Variants in CMKLR1 observed in about 807,000 individuals in gnomAD.
CMKLR1 encodes chemerin-like receptor 1.
CMKLR1 carries 6 observed loss-of-function variants against 8.2 expected under a neutral mutation model. The observed-to-expected ratio is 0.73, with a 90% CI of 0.40 to 1.44. CMKLR1 has a LOEUF of 1.44. Ranked by LOEUF, CMKLR1 falls within the 40% of genes most tolerant of loss-of-function variation. The pLI is 0.02. For missense variants in CMKLR1, 429 were observed against 478.0 expected, an observed-to-expected ratio of 0.90 and a Z score of 0.96; for synonymous variants, 178 against 181.2, an observed-to-expected ratio of 0.98 and a Z score of 0.14.
chr12:108,292,652 T>C lies in CMKLR1; in HGVS notation c.311A>G (p.His104Arg), dbSNP rs1891019520. ...IHITYAAMDYHWVFGTAMCKI... is the reference protein window; with the variant it reads ...IHITYAAMDYRWVFGTAMCKI... The stretch of plus-strand genomic sequence containing the variant: ...GCACATGGCTGTCCCGAAAACCCAG[T>C]GGTAGTCCATGGCGGCATAGGTGAT... The change falls in exon 4 of 4, where the codon CAC (histidine) becomes CGC (arginine). Residue 104 changes from histidine (H) to arginine (R), a missense_variant. Transcript: ENST00000550402. The C allele has an allele frequency of 6.2e-7, 1 of 1,614,106 alleles. No individual in the cohort carries two copies. The highest frequency in any genetic ancestry group is 8.5e-7 in the Non-Finnish European group (1 of 1,180,024).
intron 2 of CMKLR1, among the ~76,000 whole-genome samples, chr12:108,294,513 G>A (rs1891078560): frequency 6.6e-6 from 1 of 152,148 alleles, no homozygotes; most frequent in African/African-American, 2.4e-5. Context: ...GTGTGGCTTT[G>A]GGCAAGTGAT....
chr12:108,322,081 A>G (rs545629458), intron 2 of CMKLR1, among the ~76,000 whole-genome samples: 13 of 152,322 alleles, frequency 8.5e-5, no homozygotes, highest in Non-Finnish European at 1.6e-4. Flanking sequence ...CTTTTGGGTA[A>G]TCAGGTATAT....
At chr12:108,333,430 G>T (rs1306472459) in intron 1 of CMKLR1, among the ~76,000 whole-genome samples, 2 of 152,112 alleles carry the variant, frequency 1.3e-5, no homozygotes, top group Non-Finnish European at 2.9e-5. Context: ...TAGCCCAAAT[G>T]ACATTTTCCA....
intron 2 of CMKLR1, among the ~76,000 whole-genome samples, chr12:108,323,413 C>T (rs887585280): frequency 5.3e-5 from 8 of 151,828 alleles, no homozygotes; most frequent in South Asian, 2.1e-4. Flanking sequence ...ACACAGGCTC[C>T]GGTGGGCTGG....
At chr12:108,312,847 C>G (rs1034751113) in intron 2 of CMKLR1, among the ~76,000 whole-genome samples, 1 of 152,128 alleles carries the variant, frequency 6.6e-6, no homozygotes, top group African/African-American at 2.4e-5. Context: ...ACTTGGGGTA[C>G]TTAGAGACTC....
chr12:108,292,170 TGGTCAC>T lies in CMKLR1; in HGVS notation c.787_792del (p.Val263_Thr264del), dbSNP rs1336737424. On this transcript the variant is annotated inframe_deletion, in exon 4 of 4. Coordinates refer to ENST00000550402, the MANE Select transcript of CMKLR1 (RefSeq NM_001142343.2). Reference sequence around the variant, plus strand: ...CAGCAGAGGAAGAAGGTAATGATGATGGTCACAATAATCTTGAAGGGCTTCTTGGTC... The same window carrying T: ...CAGCAGAGGAAGAAGGTAATGATGATAATAATCTTGAAGGGCTTCTTGGTC... The T allele has an allele frequency of 6.2e-7, 1 of 1,614,164 alleles. No individual in the cohort carries two copies. The highest frequency in any genetic ancestry group is 8.5e-7 in the Non-Finnish European group (1 of 1,180,020).
intron 1 of CMKLR1, among the ~76,000 whole-genome samples, chr12:108,336,808 G>A (rs1295323154): frequency 6.6e-6 from 1 of 152,248 alleles, no homozygotes; most frequent in Non-Finnish European, 1.5e-5. Flanking sequence ...GACAGGCACA[G>A]TGGAATAGAA....
intron 2 of CMKLR1, among the ~76,000 whole-genome samples, chr12:108,314,722 C>A (rs1891671641): frequency 6.6e-6 from 1 of 151,028 alleles, no homozygotes; most frequent in African/African-American, 2.5e-5. Flanking sequence ...AAGTGGGACA[C>A]TACTCTTTCT....
At chr12:108,337,798 G>A (rs1892264069) in intron 1 of CMKLR1, among the ~76,000 whole-genome samples, 1 of 152,178 alleles carries the variant, frequency 6.6e-6, no homozygotes, top group Non-Finnish European at 1.5e-5. Flanking sequence ...ACTGGTTTAG[G>A]TTAAAGAAAA....
At chr12:108,310,460 T>C (rs7302400) in intron 2 of CMKLR1, among the ~76,000 whole-genome samples, 1 of 151,894 alleles carries the variant, frequency 6.6e-6, no homozygotes, top group African/African-American at 2.4e-5. Flanking sequence ...GTTCCAGGCC[T>C]ACCCAGAAAG....
intron 2 of CMKLR1, among the ~76,000 whole-genome samples, chr12:108,319,879 T>A (rs547650555): frequency 1.6e-4 from 24 of 152,332 alleles, no homozygotes; most frequent in African/African-American, 5.8e-4. Flanking sequence ...TTTCTCATTC[T>A]TACATTCAAT....
At chr12:108,327,049 A>C (rs1030458056) in intron 2 of CMKLR1, among the ~76,000 whole-genome samples, 1 of 152,184 alleles carries the variant, frequency 6.6e-6, no homozygotes, top group African/African-American at 2.4e-5. Flanking sequence ...GCTGGTAATC[A>C]AGGGACTCAG....
At chr12:108,312,344 A>G (rs1430783872) in intron 2 of CMKLR1, among the ~76,000 whole-genome samples, 1 of 152,218 alleles carries the variant, frequency 6.6e-6, no homozygotes, top group Non-Finnish European at 1.5e-5. Context: ...CAAGACTGTG[A>G]AACGTGTCCA....
chr12:108,299,303 C>A (rs775899588), intron 2 of CMKLR1, among the ~76,000 whole-genome samples: 1 of 152,216 alleles, frequency 6.6e-6, no homozygotes, highest in Non-Finnish European at 1.5e-5. Context: ...ACAACTGAAA[C>A]TTCTCTTGAC....
intron 2 of CMKLR1, among the ~76,000 whole-genome samples, chr12:108,321,544 T>A (rs1468053527): frequency 6.6e-5 from 10 of 152,130 alleles, no homozygotes; most frequent in Non-Finnish European, 1.5e-4. Flanking sequence ...TCTGCGTCAC[T>A]CACCACCCCC....
chr12:108,317,316 C>T (rs578030578), intron 2 of CMKLR1, among the ~76,000 whole-genome samples: 35 of 152,304 alleles, frequency 2.3e-4, no homozygotes, highest in African/African-American at 8.4e-4. Context: ...GGAGAGCCCA[C>T]AAGAACGCAT....
intron 2 of CMKLR1, among the ~76,000 whole-genome samples, chr12:108,299,063 G>A (rs1006441579): frequency 6.6e-6 from 1 of 152,220 alleles, no homozygotes; most frequent in African/African-American, 2.4e-5. Flanking sequence ...TACCCACCCC[G>A]CATGCTGTGC....
intron 2 of CMKLR1, among the ~76,000 whole-genome samples, chr12:108,296,847 G>A (rs1891150512): frequency 6.6e-6 from 1 of 152,008 alleles, no homozygotes; most frequent in African/African-American, 2.4e-5. Context: ...GAGGGACACA[G>A]GTAAGGATTT....
intron 2 of CMKLR1, among the ~76,000 whole-genome samples, chr12:108,325,595 C>A (rs369857817): frequency 1.3e-5 from 2 of 152,292 alleles, no homozygotes; most frequent in East Asian, 1.9e-4. Context: ...TCCCACAGAT[C>A]CATCTCCCCC....
Sources: gnomAD v4.1 joint callset for allele counts (sites outside exome capture counted in the v4.1 genomes callset) on GRCh38, gnomAD v4.1.1 for gene constraint, MANE v1.5 for transcripts, NCBI Gene and HGNC (gene_info 2026-07-23, HGNC 2026-07-21) for gene names.